The following OCA2 variants were observed in gnomAD, a reference collection of about 807,000 sequenced individuals.
OCA2 encodes the protein OCA2 melanosomal transmembrane protein.
OCA2 carries 77 observed loss-of-function variants against 100.2 expected under a neutral mutation model. The ratio of observed to expected loss-of-function variants is 0.77; its 90% CI spans 0.64 to 0.93. OCA2 has a LOEUF of 0.93. Among genes scored for constraint, OCA2 ranks in the 40% least tolerant of loss-of-function variants. OCA2 has a pLI of 0.00. For synonymous variants in OCA2, 432 were observed against 439.2 expected, an observed-to-expected ratio of 0.98 and a Z score of 0.21; for missense variants, 1,062 against 1,089.1, an observed-to-expected ratio of 0.98 and a Z score of 0.35.
At chr15:27,953,121 C>T (rs538662048) in intron 17 of OCA2, among the ~76,000 whole-genome samples, 75 of 152,284 alleles carry the variant, frequency 4.9e-4, no homozygotes, top group Non-Finnish European at 1.0e-3. Flanking sequence ...AGGTGGATCT[C>T]GATATCTACC....
Position 27,812,780 on chromosome 15 carries a change from A to T in OCA2, c.2432+32179T>A, listed in dbSNP as rs190722618. Among the ~76,000 whole-genome samples the T allele has an allele frequency of 5.4e-4, 82 of 152,250 alleles. No individual in the cohort carries two copies. In the East Asian group the frequency reaches 0.016, roughly 29 times the overall value. ...TCCCTGGGTGCATACCATGCACATT[A>T]ACAGGATCTGTCTCTTACTGCGACT... is the stretch of plus-strand genomic sequence containing the variant. On this transcript the variant is annotated intron_variant, in intron 23 of 23. Transcript: ENST00000354638.
At chr15:27,977,334 A>G (rs1049523576) in intron 14 of OCA2, among the ~76,000 whole-genome samples, 3 of 152,148 alleles carry the variant, frequency 2.0e-5, no homozygotes, top group African/African-American at 7.2e-5. Flanking sequence ...GATTTGAGAC[A>G]CATCTTTTCA....
chr15:27,775,976 A>G (rs1482125968), intron 23 of OCA2, among the ~76,000 whole-genome samples: 1 of 152,244 alleles, frequency 6.6e-6, no homozygotes, highest in Non-Finnish European at 1.5e-5. Context: ...AGCAATGTCC[A>G]GCACCAAAGT....
Position 27,983,512 on chromosome 15 carries a change from G to A in OCA2, c.1365-29C>T. Reference sequence around the variant, plus strand: ...TCACAAATGGAGGAAAATGAAAGTAGTCCCACTATACACATCGTGAAAGGC... The same window carrying A: ...TCACAAATGGAGGAAAATGAAAGTAATCCCACTATACACATCGTGAAAGGC... On this transcript the variant is annotated intron_variant, in intron 13 of 23. Transcript: ENST00000354638. 1.9e-6 allele frequency: 3 copies of A among 1,613,630 alleles called. No homozygotes were observed. In the South Asian group the frequency reaches 3.3e-5, roughly 18 times the overall value.
chr15:27,770,206 C>G (rs2031609345), intron 23 of OCA2, among the ~76,000 whole-genome samples: 1 of 152,226 alleles, frequency 6.6e-6, no homozygotes, highest in Non-Finnish European at 1.5e-5. Context: ...AAGAGCGTTT[C>G]CAGGCGGGCG....
intron 23 of OCA2, among the ~76,000 whole-genome samples, chr15:27,813,505 T>C (rs1191917558): frequency 1.3e-5 from 2 of 152,084 alleles, no homozygotes; most frequent in Non-Finnish European, 2.9e-5. Context: ...TGGGAGGAAA[T>C]GTTCATAGTC....
At chr15:28,001,346 T>C (rs556127682) in intron 9 of OCA2, among the ~76,000 whole-genome samples, 1 of 152,176 alleles carries the variant, frequency 6.6e-6, no homozygotes, top group African/African-American at 2.4e-5. Context: ...TGGGACAACA[T>C]GGACGAACCT....
chr15:27,866,337 T>G (rs1474620336), intron 21 of OCA2, among the ~76,000 whole-genome samples: 1 of 152,068 alleles, frequency 6.6e-6, no homozygotes, highest in Non-Finnish European at 1.5e-5. Flanking sequence ...GATGAGGGTG[T>G]GTCTCGAGTG....
Position 27,932,495 on chromosome 15 carries a change from G to A in OCA2, c.1952-6241C>T, listed in dbSNP as rs374616419. On this transcript the variant is annotated intron_variant, in intron 18 of 23. Transcript: ENST00000354638. ...GGGCAGGGCAGAGCTAGGGGGCGGTGGGGGCAGGCAGAGATAAGGAAAGCC... is the reference window on the plus strand; with the variant it reads ...GGGCAGGGCAGAGCTAGGGGGCGGTAGGGGCAGGCAGAGATAAGGAAAGCC... Among the ~76,000 whole-genome samples the A allele has an allele frequency of 5.7e-4, 87 of 152,226 alleles. 1 individual carries two copies. The highest frequency in any genetic ancestry group is 1.9e-3 in the African/African-American group (80 of 41,546).
intron 2 of OCA2, among the ~76,000 whole-genome samples, chr15:28,034,494 A>G (rs2042992642): frequency 1.3e-5 from 2 of 152,182 alleles, no homozygotes; most frequent in African/African-American, 4.8e-5. Context: ...CTCAATAATG[A>G]GCCGGGCACA....
the OCA2 span, among the ~76,000 whole-genome samples, chr15:27,734,541 T>A: frequency 6.6e-6 from 1 of 152,190 alleles, no homozygotes; most frequent in Non-Finnish European, 1.5e-5. Context: ...CAGATCCCCA[T>A]GGACCCAGAC....
At chr15:27,989,015 C>G (rs764771545) in intron 11 of OCA2, among the ~76,000 whole-genome samples, 21 of 152,186 alleles carry the variant, frequency 1.4e-4, no homozygotes, top group Non-Finnish European at 2.9e-4. Flanking sequence ...CTGCAGACCA[C>G]TGGACTGTTT....
At chr15:28,088,161 T>C (rs1434685140) in intron 1 of OCA2, among the ~76,000 whole-genome samples, 1 of 152,238 alleles carries the variant, frequency 6.6e-6, no homozygotes, top group Non-Finnish European at 1.5e-5. Flanking sequence ...GAAATAATTC[T>C]GTCATCTACT....
chr15:27,750,136 C>T (rs1207596221), downstream of OCA2, among the ~76,000 whole-genome samples: 1 of 152,146 alleles, frequency 6.6e-6, no homozygotes, highest in African/African-American at 2.4e-5. Context: ...GGTTAGTTGC[C>T]TCAGAAACTG....
intron 21 of OCA2, among the ~76,000 whole-genome samples, chr15:27,854,516 G>A (rs1315609764): frequency 1.3e-5 from 2 of 152,212 alleles, no homozygotes. Context: ...TAGCACGCTA[G>A]GAAAAGCATC....
At chr15:27,954,116 TAC>T (rs200633980) in intron 17 of OCA2, among the ~76,000 whole-genome samples, 952 of 46,396 alleles carry the variant, frequency 0.021, 5 homozygotes, top group South Asian at 0.033. Flanking sequence ...TTCCATGGCA[TAC>T]ACACACACAC....
At chr15:28,068,527 A>G (rs948799578) in intron 2 of OCA2, among the ~76,000 whole-genome samples, 1 of 152,222 alleles carries the variant, frequency 6.6e-6, no homozygotes, top group African/African-American at 2.4e-5. Flanking sequence ...AGAAGAACTG[A>G]TATCAATACT....
At position 27,778,295 on chromosome 15, in the gene OCA2, C is replaced by T. The variant is rs554356018; in HGVS notation, c.2433-22823G>A. Among the ~76,000 whole-genome samples the T allele has an allele frequency of 3.2e-4, 48 of 152,306 alleles. 1 individual carries two copies. The South Asian group carries it at 9.3e-3, about 30-fold the overall frequency. ...TTGCAACACTGTTCAGTAGAGTTCT[C>T]GCTAGGCAGCATTCATTCTTCTGTT... is the stretch of plus-strand genomic sequence containing the variant. On this transcript the variant is annotated intron_variant, in intron 23 of 23. Transcript: ENST00000354638.
Position 27,951,779 on chromosome 15 carries a change from C to G in OCA2, c.1951+5G>C. On this transcript the variant is annotated splice_donor_5th_base_variant and intron_variant, in intron 18 of 23. Coordinates refer to ENST00000354638, the MANE Select transcript of OCA2 (RefSeq NM_000275.3). ...GCCTATGAACCAAAGCTAAATTAGACTCACCAAGATCAAGATGAATGCCAG... is the reference window on the plus strand; with the variant it reads ...GCCTATGAACCAAAGCTAAATTAGAGTCACCAAGATCAAGATGAATGCCAG... The G allele has an allele frequency of 6.3e-7, 1 of 1,583,112 alleles. No individual in the cohort carries two copies. Among genetic ancestry groups the G allele is most frequent in the East Asian group, 2.2e-5 (1 of 44,724 alleles).
Sources: allele counts gnomAD v4.1 joint callset (sites outside exome capture counted in the v4.1 genomes callset), GRCh38; gene constraint gnomAD v4.1.1; transcripts MANE v1.5; gene names NCBI Gene and HGNC (gene_info 2026-07-23, HGNC 2026-07-21).